Variants in MARCHF1 observed in about 807,000 individuals in gnomAD.
MARCHF1 encodes the protein membrane associated ring-CH-type finger 1, also known as E3 ubiquitin-protein ligase MARCHF1.
A neutral mutation model predicts 54.2 loss-of-function variants in MARCHF1; 40 were observed. The observed-to-expected ratio is 0.74, with a 90% CI of 0.57 to 0.96. MARCHF1 has a LOEUF of 0.96. Ranked by LOEUF, MARCHF1 falls within the 40% of genes least tolerant of loss-of-function variation. The probability of loss-of-function intolerance (pLI) is 0.00; values close to 1 mark genes in which losing one functional copy is unlikely to be tolerated. For synonymous variants in MARCHF1, 236 were observed against 236.3 expected (o/e 1.00, Z 0.01); for missense variants, 586 against 656.5 (o/e 0.89, Z 1.17).
At chr4:163,832,900 TC>T (rs1749071878) in intron 4 of MARCHF1, among the ~76,000 whole-genome samples, 1 of 151,460 alleles carries the variant, frequency 6.6e-6, no homozygotes, top group African/African-American at 2.4e-5. Flanking sequence ...TTCATCCATG[TC>T]CCTACAAAGG....
intron 1 of MARCHF1, among the ~76,000 whole-genome samples, chr4:164,178,032 C>G (rs1335015424): frequency 6.6e-6 from 1 of 152,150 alleles, no homozygotes; most frequent in Non-Finnish European, 1.5e-5. Flanking sequence ...TGATCTATAA[C>G]AGAGTACTGA....
intron 3 of MARCHF1, among the ~76,000 whole-genome samples, chr4:163,967,174 A>T (rs1752458520): frequency 6.6e-6 from 1 of 152,136 alleles, no homozygotes; most frequent in Non-Finnish European, 1.5e-5. Flanking sequence ...ACGATAAGGA[A>T]ATTAAATTTC....
intron 1 of MARCHF1, among the ~76,000 whole-genome samples, chr4:164,211,683 C>A (rs1731778942): frequency 1.3e-5 from 2 of 151,768 alleles, no homozygotes; most frequent in Non-Finnish European, 2.9e-5. Context: ...TTATATTGGC[C>A]TTATAGAAAC....
chr4:164,376,186 G>A (rs957252304), intron 1 of MARCHF1, among the ~76,000 whole-genome samples: 1 of 152,152 alleles, frequency 6.6e-6, no homozygotes, highest in Non-Finnish European at 1.5e-5. Context: ...TAGTAAAAAA[G>A]AAGGAAGAGA....
At chr4:163,574,570 G>A (rs1338971772) in intron 8 of MARCHF1, among the ~76,000 whole-genome samples, 1 of 142,982 alleles carries the variant, frequency 7.0e-6, no homozygotes, top group Non-Finnish European at 1.5e-5. Flanking sequence ...ATTAAATAGG[G>A]AATCCTTTCC....
In MARCHF1 at chr4:163,612,580, C is replaced by T. The variant is rs777816112; in HGVS notation, c.701G>A (p.Arg234Lys). The T allele has an allele frequency of 1.7e-5, 26 of 1,535,544 alleles. No individual in the cohort carries two copies. In the South Asian group the frequency reaches 2.9e-4, roughly 17 times the overall value. Reference sequence around the variant, plus strand: ...TTCTTGGTACCTTGTATGTTTTCCTCTGTGGAGATTTAAAGAGCAACTCTC... The same window carrying T: ...TTCTTGGTACCTTGTATGTTTTCCTTTGTGGAGATTTAAAGAGCAACTCTC... ...ECESCSLNLH[R>K]GKHTRYQECN... The change falls in exon 7 of 10, where the codon AGA becomes AAA. Residue 234 changes from arginine (R) to lysine (K), a missense_variant. Arg to Lys is a conservative substitution (Grantham distance 26). Coordinates refer to ENST00000514618, the MANE Select transcript of MARCHF1 (RefSeq NM_001394959.1).
chr4:164,360,846 G>A (rs989141093), intron 1 of MARCHF1, among the ~76,000 whole-genome samples: 2 of 152,012 alleles, frequency 1.3e-5, no homozygotes, highest in African/African-American at 4.8e-5. Context: ...AATTAGTGGA[G>A]AATACCTGAA....
chr4:163,809,256 T>C (rs1480875121), intron 4 of MARCHF1, among the ~76,000 whole-genome samples: 1 of 152,200 alleles, frequency 6.6e-6, no homozygotes, highest in African/African-American at 2.4e-5. Flanking sequence ...CTATGGGTTA[T>C]GCAAAATAGC....
At chr4:163,664,983 T>G (rs867938007) in intron 5 of MARCHF1, among the ~76,000 whole-genome samples, 1 of 152,072 alleles carries the variant, frequency 6.6e-6, no homozygotes, top group Admixed American at 6.6e-5. Flanking sequence ...AGCTATATGC[T>G]AAAATAGTCA....
intron 2 of MARCHF1, among the ~76,000 whole-genome samples, chr4:164,095,529 C>T (rs1755392201): frequency 6.6e-6 from 1 of 151,772 alleles, no homozygotes; most frequent in Non-Finnish European, 1.5e-5. Context: ...TTTATTGTGT[C>T]AAGAGTATGA....
intron 4 of MARCHF1, among the ~76,000 whole-genome samples, chr4:163,732,198 A>C (rs1745865319): frequency 6.6e-6 from 1 of 151,744 alleles, no homozygotes; most frequent in East Asian, 1.9e-4. Context: ...AAACTTAGAG[A>C]TATGAAAGAG....
At chr4:163,715,950 T>G (rs1745242984) in intron 4 of MARCHF1, among the ~76,000 whole-genome samples, 1 of 152,160 alleles carries the variant, frequency 6.6e-6, no homozygotes, top group East Asian at 1.9e-4. Context: ...TTCTAAAATT[T>G]TTGACAAACA....
intron 4 of MARCHF1, among the ~76,000 whole-genome samples, chr4:163,844,866 T>C (rs1339757275): frequency 6.6e-6 from 1 of 152,210 alleles, no homozygotes; most frequent in Non-Finnish European, 1.5e-5. Context: ...GCTTGTGTGT[T>C]GCAGATGGAG....
chr4:163,613,018 A>G lies in MARCHF1; in HGVS notation c.263T>C (p.Met88Thr). The G allele has an allele frequency of 6.6e-7, 1 of 1,508,294 alleles. No individual in the cohort carries two copies. Among genetic ancestry groups the G allele is most frequent in the South Asian group, 1.3e-5 (1 of 78,544 alleles). 93.4% of individuals were successfully genotyped at this position (1,508,294 alleles called of 1,614,324 possible). ...GCAATACTCAAATGACTCTTCTGAC[A>G]TGTCATGCAAGATGGCAGATCTAGA... ...DICRSAILHD[M>T]SEESFEYCTP... The change falls in exon 7 of 10, where the codon ATG becomes ACG. Residue 88 changes from methionine to threonine, a missense_variant. Physicochemically the swap from Met to Thr is moderately conservative, Grantham distance 81. This residue lies in a region of MARCHF1 where 387 missense variants were observed against 394.6 expected (regional missense o/e 0.98). Coordinates refer to ENST00000514618, the MANE Select transcript of MARCHF1 (RefSeq NM_001394959.1).
intron 4 of MARCHF1, among the ~76,000 whole-genome samples, chr4:163,745,855 CTT>C (rs916885281): frequency 3.0e-4 from 46 of 151,752 alleles, no homozygotes; most frequent in African/African-American, 1.0e-3. Context: ...AAAAAAGAGA[CTT>C]TATTTTTTAG....
intron 3 of MARCHF1, among the ~76,000 whole-genome samples, chr4:163,894,776 CAT>C (rs148878681): frequency 1.2e-4 from 5 of 42,676 alleles, no homozygotes; most frequent in African/African-American, 2.5e-4. Flanking sequence ...GCATGTGATG[CAT>C]ATATATACAT....
Position 164,374,247 on chromosome 4 carries a change from C to T in MARCHF1, c.-323+9623G>A, listed in dbSNP as rs183470003. Among the ~76,000 whole-genome samples the T allele has an allele frequency of 6.2e-3, 948 of 152,078 alleles. 5 individuals are homozygous for T. The highest frequency in any genetic ancestry group is 8.9e-3 in the Non-Finnish European group (602 of 67,950). On this transcript the variant is annotated intron_variant, in intron 1 of 9. Transcript: ENST00000514618. The stretch of plus-strand genomic sequence containing the variant: ...ACTAATTAGATTTAACAGACGTCAA[C>T]ATTTTTTTAAGTTTTGCTTTAATAT...
At chr4:163,950,118 G>A (rs903195959) in intron 3 of MARCHF1, among the ~76,000 whole-genome samples, 1 of 152,164 alleles carries the variant, frequency 6.6e-6, no homozygotes, top group Non-Finnish European at 1.5e-5. Context: ...CCTGAAGGTG[G>A]GGTTTCACTG....
chr4:164,334,828 G>A (rs956368829), intron 1 of MARCHF1, among the ~76,000 whole-genome samples: 29 of 152,276 alleles, frequency 1.9e-4, no homozygotes, highest in African/African-American at 6.3e-4. Flanking sequence ...GTGATTTATG[G>A]GAGGAGGTCA....
Sources: allele counts gnomAD v4.1 joint callset (sites outside exome capture counted in the v4.1 genomes callset), GRCh38; gene constraint gnomAD v4.1.1; regional missense constraint gnomAD v4.1.1; transcripts MANE v1.5; gene names NCBI Gene and HGNC (gene_info 2026-07-23, HGNC 2026-07-21).